FNTA: variants seen among roughly 807,000 people sequenced by gnomAD.
FNTA encodes the protein protein farnesyltransferase/geranylgeranyltransferase type-1 subunit alpha.
A neutral mutation model predicts 55.2 loss-of-function variants in FNTA; 27 were observed. That is an observed-to-expected ratio of 0.49 (90% CI 0.36 to 0.67). The LOEUF (loss-of-function observed/expected upper bound fraction) is 0.67. FNTA is among the 30% of genes least tolerant of loss of function. The pLI is 0.00. For synonymous variants in FNTA, 176 were observed against 170.7 expected, an observed-to-expected ratio of 1.03 and a Z score of -0.24; for missense variants, 422 against 464.7, an observed-to-expected ratio of 0.91 and a Z score of 0.85.
At position 43,069,605 on chromosome 8, in the gene FNTA, A is replaced by C. The variant is rs1271803099; in HGVS notation, c.452A>C (p.Glu151Ala). 1 of 1,613,802 alleles carries C rather than the reference A, an allele frequency of 6.2e-7. No homozygotes were observed. Among genetic ancestry groups the C allele is most frequent in the Non-Finnish European group, 8.5e-7 (1 of 1,179,738 alleles). Reference protein sequence around the residue: ...LKSLQKDLHEEMNYITAIIEE... With the variant: ...LKSLQKDLHEAMNYITAIIEE... ...TCACTTCAGAAGGATCTACATGAGGAAATGAACTACATCACTGCAATAATT... is the reference window on the plus strand; with the variant it reads ...TCACTTCAGAAGGATCTACATGAGGCAATGAACTACATCACTGCAATAATT... Residue 151 changes from glutamate to alanine, a missense_variant, in exon 4 of 9, where the codon GAA becomes GCA. By Grantham distance (107) the Glu-to-Ala change is moderately radical (BLOSUM62 -1). Coordinates refer to ENST00000302279, the MANE Select transcript of FNTA (RefSeq NM_002027.3).
chr8:43,061,724 AT>A (rs879853318), intron 2 of FNTA, among the ~76,000 whole-genome samples: 2,127 of 147,758 alleles, frequency 0.014, 143 homozygotes, highest in Admixed American at 0.11. Context: ...GTTGTTTATA[AT>A]TTTTTTTTTT....
At chr8:43,071,978 A>T (rs77037783) in intron 4 of FNTA, among the ~76,000 whole-genome samples, 255 of 152,326 alleles carry the variant, frequency 1.7e-3, no homozygotes, top group African/African-American at 5.9e-3. Flanking sequence ...GAAAGATACT[A>T]CCAGATGTAG....
At chr8:43,056,723 G>A in intron 1 of FNTA, 177 bp downstream of exon 1, 1 of 229,966 alleles carries the variant, frequency 4.3e-6, no homozygotes, top group Non-Finnish European at 8.0e-6. Context: ...TTCCCAGGGC[G>A]GCGCCGGCGC....
chr8:43,069,465 C>A, intron 3 of FNTA, 90 bp from the exon 4 acceptor site: 1 of 804,314 alleles, frequency 1.2e-6, no homozygotes, highest in Admixed American at 2.1e-5. Flanking sequence ...ATTTGTCTAA[C>A]TGTATTGCTG....
chr8:43,075,030 A>C (rs72647270), intron 5 of FNTA, among the ~76,000 whole-genome samples: 5,184 of 152,288 alleles, frequency 0.034, 121 homozygotes, highest in Middle Eastern at 0.058. Context: ...TGGGGAATCT[A>C]AGTGAAGGGT....
chr8:43,064,606 T>C (rs1415412587), intron 3 of FNTA, among the ~76,000 whole-genome samples: 1 of 152,138 alleles, frequency 6.6e-6, no homozygotes, highest in Admixed American at 6.5e-5. Flanking sequence ...TGAGCCACTG[T>C]GCCTGGCCTT....
intron 5 of FNTA, among the ~76,000 whole-genome samples, chr8:43,072,854 C>G (rs1044889458): frequency 1.3e-5 from 2 of 151,990 alleles, no homozygotes; most frequent in African/African-American, 2.4e-5. Context: ...ATCATATTTG[C>G]TAGCAAATTG....
chr8:43,065,237 C>T (rs1810627826), intron 3 of FNTA, among the ~76,000 whole-genome samples: 1 of 151,740 alleles, frequency 6.6e-6, no homozygotes, highest in Admixed American at 6.6e-5. Context: ...CATGCTGACA[C>T]ACTTTTTTTT....
At chr8:43,069,891 T>G (rs1416294591) in intron 4 of FNTA, among the ~76,000 whole-genome samples, 1 of 150,994 alleles carries the variant, frequency 6.6e-6, no homozygotes, top group Non-Finnish European at 1.5e-5. Context: ...TGATCCGCCC[T>G]CCTCAGCCTC....
chr8:43,064,565 G>A (rs1810610564), intron 3 of FNTA, among the ~76,000 whole-genome samples: 2 of 152,074 alleles, frequency 1.3e-5, no homozygotes, highest in Middle Eastern at 3.4e-3. Context: ...TCCACTCCCC[G>A]CGGCCTCCTA....
intron 6 of FNTA, chr8:43,080,083 G>A (rs1353302179): frequency 2.6e-5 from 4 of 152,164 alleles, no homozygotes; most frequent in Non-Finnish European, 4.4e-5. Flanking sequence ...TCCTGGCAAC[G>A]ACGTTGTGAA....
At chr8:43,056,642 C>A in intron 1 of FNTA, 96 bp downstream of exon 1, 1 of 810,016 alleles carries the variant, frequency 1.2e-6, no homozygotes, top group Non-Finnish European at 1.6e-6. Context: ...GCGCGCCAGG[C>A]CGAAGTTCCC....
chr8:43,069,354 A>G (rs999828794), intron 3 of FNTA, among the ~76,000 whole-genome samples: 3 of 152,026 alleles, frequency 2.0e-5, no homozygotes, highest in Non-Finnish European at 4.4e-5. Flanking sequence ...TCTTGACCTC[A>G]TGTGACCTGC....
chr8:43,082,156 GAGCAATTATGTGGTAA>G (rs551989424), intron 6 of FNTA: 2 of 152,252 alleles, frequency 1.3e-5, no homozygotes, highest in East Asian at 3.9e-4. Flanking sequence ...TTACTCATCT[GAGCAATTATGTGGTAA>G]AGCAAGTTCT....
In FNTA at chr8:43,066,381, C is replaced by T. The variant is rs188909813; in HGVS notation, c.401+2166C>T. ...ACGCCATTCTCCTGCCTCAGCCTCC[C>T]GAGTAGCTGGGACTACGGACGCCTG... On this transcript the variant is annotated intron_variant, in intron 3 of 8. Transcript: ENST00000302279. 2.1e-3 allele frequency among the ~76,000 whole-genome samples: 315 copies of T among 150,748 alleles called. 11 individuals carry two copies. The East Asian group carries it at 0.051, about 24-fold the overall frequency.
At chr8:43,074,587 A>G (rs1337798035) in intron 5 of FNTA, among the ~76,000 whole-genome samples, 1 of 152,180 alleles carries the variant, frequency 6.6e-6, no homozygotes, top group African/African-American at 2.4e-5. Context: ...TCACCAGTCA[A>G]AAGAAATGAA....
chr8:43,057,918 C>T (rs1376238157), intron 1 of FNTA, among the ~76,000 whole-genome samples: 1 of 144,442 alleles, frequency 6.9e-6, no homozygotes, highest in East Asian at 2.0e-4. Context: ...AGATTGCGCC[C>T]ATTGCACCAC....
intron 4 of FNTA, among the ~76,000 whole-genome samples, chr8:43,070,594 A>C (rs539481822): frequency 3.3e-5 from 5 of 152,340 alleles, no homozygotes; most frequent in African/African-American, 1.2e-4. Context: ...TTTTCTGGAT[A>C]CTGCACACTG....
At chr8:43,071,748 A>G (rs1030656266) in intron 4 of FNTA, among the ~76,000 whole-genome samples, 3 of 152,006 alleles carry the variant, frequency 2.0e-5, no homozygotes, top group African/African-American at 4.8e-5. Context: ...GCAACTTGTC[A>G]TAGCTACTTG....
Sources: allele counts gnomAD v4.1 joint callset (sites outside exome capture counted in the v4.1 genomes callset), GRCh38; gene constraint gnomAD v4.1.1; transcripts MANE v1.5; gene names NCBI Gene and HGNC (gene_info 2026-07-23, HGNC 2026-07-21).